Variants in BTC observed in about 807,000 individuals in gnomAD.
BTC encodes probetacellulin.
A neutral mutation model predicts 18.1 loss-of-function variants in BTC; 13 were observed. The observed-to-expected ratio is 0.72, with a 90% CI of 0.47 to 1.14. The LOEUF is 1.14. Among genes scored for constraint, BTC ranks in the 50% most tolerant of loss-of-function variants. BTC has a pLI of 0.00. For synonymous variants in BTC, 83 were observed against 79.4 expected (o/e 1.05, Z -0.24); for missense variants, 247 against 224.2 (o/e 1.10, Z -0.65).
chr4:74,784,916 G>A (rs1339599840), intron 1 of BTC, among the ~76,000 whole-genome samples: 4 of 152,094 alleles, frequency 2.6e-5, no homozygotes, highest in East Asian at 1.9e-4. Flanking sequence ...CCAGGTTTTG[G>A]TATCAGGATG....
At chr4:74,762,645 G>A (rs556772304) in intron 2 of BTC, among the ~76,000 whole-genome samples, 2 of 151,950 alleles carry the variant, frequency 1.3e-5, no homozygotes, top group East Asian at 3.9e-4. Flanking sequence ...GAAAGAGGGT[G>A]GAAAGGGGAA....
At chr4:74,757,872 T>C (rs1299693032) in intron 2 of BTC, among the ~76,000 whole-genome samples, 1 of 152,188 alleles carries the variant, frequency 6.6e-6, no homozygotes, top group African/African-American at 2.4e-5. Context: ...AAGATAGACA[T>C]GATAACATCT....
At chr4:74,779,127 A>G (rs1334230839) in intron 1 of BTC, among the ~76,000 whole-genome samples, 2 of 152,158 alleles carry the variant, frequency 1.3e-5, no homozygotes, top group African/African-American at 4.8e-5. Context: ...TCTTCCTCCA[A>G]TGTAAAACTC....
intron 3 of BTC, among the ~76,000 whole-genome samples, chr4:74,751,058 G>A (rs1209521568): frequency 1.3e-5 from 2 of 152,008 alleles, no homozygotes; most frequent in Non-Finnish European, 2.9e-5. Flanking sequence ...TCCATGACAA[G>A]GAACTCAAAA....
chr4:74,784,245 A>AG (rs1279486397), intron 1 of BTC, among the ~76,000 whole-genome samples: 2 of 151,708 alleles, frequency 1.3e-5, no homozygotes, highest in African/African-American at 2.4e-5. Flanking sequence ...AAAAAAAAAA[A>AG]AAAAGAAAAA....
At chr4:74,790,661 A>G (rs1725600026) in intron 1 of BTC, among the ~76,000 whole-genome samples, 1 of 152,236 alleles carries the variant, frequency 6.6e-6, no homozygotes, top group African/African-American at 2.4e-5. Flanking sequence ...TACAGGAGTC[A>G]CCCACAAATT....
At chr4:74,772,403 G>A (rs1725066066) in intron 1 of BTC, among the ~76,000 whole-genome samples, 1 of 151,978 alleles carries the variant, frequency 6.6e-6, no homozygotes, top group South Asian at 2.1e-4. Flanking sequence ...TGAAGCACAG[G>A]AATTTTATAT....
chr4:74,761,153 A>G (rs1724747319), intron 2 of BTC, among the ~76,000 whole-genome samples: 1 of 152,152 alleles, frequency 6.6e-6, no homozygotes, highest in South Asian at 2.1e-4. Context: ...AAGAATCAAT[A>G]TTGAAGCATG....
chr4:74,788,701 C>A lies in BTC; in HGVS notation c.64+5561G>T, dbSNP rs183048086. Among the ~76,000 whole-genome samples the A allele has an allele frequency of 2.6e-5, 4 of 152,272 alleles. No individual in the cohort carries two copies. In the East Asian group the frequency reaches 7.7e-4, roughly 29 times the overall value. ...AATGATAGTACTTTTCATCAACCTG[C>A]CAAGCACCGTGCCATGAGCAAAAGA... On this transcript the variant is annotated intron_variant, in intron 1 of 5. Transcript: ENST00000395743.
chr4:74,767,750 C>G (rs1326762621), intron 2 of BTC, among the ~76,000 whole-genome samples: 1 of 152,028 alleles, frequency 6.6e-6, no homozygotes, highest in Non-Finnish European at 1.5e-5. Flanking sequence ...ATATGAACAA[C>G]TGATCTTCAG....
At chr4:74,756,855 T>C (rs978539914) in intron 2 of BTC, among the ~76,000 whole-genome samples, 5 of 152,222 alleles carry the variant, frequency 3.3e-5, no homozygotes, top group Non-Finnish European at 7.3e-5. Context: ...ATTTTTCACC[T>C]GAGAATAGTA....
At chr4:74,756,366 T>C (rs1252458437) in intron 2 of BTC, among the ~76,000 whole-genome samples, 5 of 152,224 alleles carry the variant, frequency 3.3e-5, no homozygotes, top group African/African-American at 9.6e-5. Flanking sequence ...TTGTTTAACT[T>C]AAACATTTAC....
chr4:74,772,954 GT>G (rs565514579), intron 1 of BTC, among the ~76,000 whole-genome samples: 1 of 152,152 alleles, frequency 6.6e-6, no homozygotes, highest in Non-Finnish European at 1.5e-5. Context: ...GCTAAGCTTT[GT>G]TTCACATGCT....
At chr4:74,760,734 A>ATT (rs72231277) in intron 2 of BTC, among the ~76,000 whole-genome samples, 23 of 135,878 alleles carry the variant, frequency 1.7e-4, no homozygotes, top group Non-Finnish European at 2.5e-4. Flanking sequence ...TTAGCATGTC[A>ATT]TTTTTTTTTT....
intron 2 of BTC, among the ~76,000 whole-genome samples, chr4:74,757,871 A>T (rs1724643067): frequency 6.6e-6 from 1 of 152,188 alleles, no homozygotes. Flanking sequence ...TAAGATAGAC[A>T]TGATAACATC....
At chr4:74,768,165 G>A (rs1034195468) in intron 2 of BTC, among the ~76,000 whole-genome samples, 3 of 152,068 alleles carry the variant, frequency 2.0e-5, no homozygotes, top group African/African-American at 7.2e-5. Flanking sequence ...AATTAGTACT[G>A]CTTTTCCTGA....
At chr4:74,786,397 CAATT>C (rs1024752443) in intron 1 of BTC, among the ~76,000 whole-genome samples, 33 of 152,298 alleles carry the variant, frequency 2.2e-4, no homozygotes, top group African/African-American at 7.2e-4. Context: ...AGAGTTCAGA[CAATT>C]GATTGTTATG....
intron 3 of BTC, among the ~76,000 whole-genome samples, chr4:74,751,437 A>G (rs1026940840): frequency 1.3e-5 from 2 of 152,074 alleles, no homozygotes; most frequent in Non-Finnish European, 2.9e-5. Context: ...TCCTAAAACC[A>G]CATTTGCAGA....
chr4:74,786,541 A>G (rs534960471), intron 1 of BTC, among the ~76,000 whole-genome samples: 1 of 152,338 alleles, frequency 6.6e-6, no homozygotes, highest in South Asian at 2.1e-4. Flanking sequence ...TCTTTTTAAT[A>G]CTAAACATAA....
Sources: allele counts gnomAD v4.1 joint callset (sites outside exome capture counted in the v4.1 genomes callset), GRCh38; gene constraint gnomAD v4.1.1; transcripts MANE v1.5; gene names NCBI Gene and HGNC (gene_info 2026-07-23, HGNC 2026-07-21).